LTBP2: variants seen among roughly 807,000 people sequenced by gnomAD.
LTBP2 encodes the protein latent-transforming growth factor beta-binding protein 2.
In LTBP2, 103 loss-of-function variants were observed where a neutral mutation model predicts 210.6. The ratio of observed to expected loss-of-function variants is 0.49; its 90% CI spans 0.42 to 0.58. The LOEUF is 0.58. Among genes scored for constraint, LTBP2 ranks in the 20% least tolerant of loss-of-function variants. The pLI is 0.00. For missense variants in LTBP2, 2,313 were observed against 2,494.5 expected (o/e 0.93, Z 1.55); for synonymous variants, 1,007 against 1,015.0 (o/e 0.99, Z 0.15).
intron 8 of LTBP2, among the ~76,000 whole-genome samples, chr14:74,544,034 G>C (rs1022365522): frequency 6.6e-6 from 1 of 152,212 alleles, no homozygotes; most frequent in Admixed American, 6.5e-5. Flanking sequence ...ACCCCTGCTG[G>C]GTTGGGAGGG....
Position 74,499,069 on chromosome 14 carries a change from A to G in LTBP2, c.*1815T>C, listed in dbSNP as rs997628900. ...TTTTATAATTTTGAAGGACATTGCC[A>G]TATTGTCCTCTTCAATATGTACTTC... is the stretch of plus-strand genomic sequence containing the variant. On this transcript the variant is annotated 3_prime_UTR_variant, in exon 36 of 36. Transcript: ENST00000261978. 4.6e-6 allele frequency: 1 copy of G among 218,414 alleles called. No homozygotes were observed. The highest frequency in any genetic ancestry group is 6.8e-5 in the East Asian group (1 of 14,672). The allele number at this position is 218,414 out of a possible 1,614,324, so 13.5% of individuals were successfully genotyped here.
intron 3 of LTBP2, among the ~76,000 whole-genome samples, chr14:74,571,194 T>C (rs1210115235): frequency 6.6e-6 from 1 of 152,120 alleles, no homozygotes; most frequent in African/African-American, 2.4e-5. Context: ...TAGCTGAGCA[T>C]GGTGGTGGGC....
In LTBP2 at chr14:74,504,016, G is replaced by A; in HGVS notation, c.4492C>T (p.Pro1498Ser). The change falls in exon 31 of 36, where the codon CCG (proline) becomes TCG (serine). Residue 1498 changes from proline (P) to serine (S), a missense_variant. Coordinates refer to ENST00000261978, the MANE Select transcript of LTBP2 (RefSeq NM_000428.3). Reference sequence around the variant, plus strand: ...ACGGTGTTGAGGCACCGGCCGTTCGGGCAGAGACCAGGCCCGAATATCACA... The same window carrying A: ...ACGGTGTTGAGGCACCGGCCGTTCGAGCAGAGACCAGGCCCGAATATCACA... ...ECVIFGPGLC[P>S]NGRCLNTVPG... 4.3e-6 allele frequency: 7 copies of A among 1,614,086 alleles called. No homozygotes were observed. Among genetic ancestry groups the A allele is most frequent in the Non-Finnish European group, 5.9e-6 (7 of 1,180,032 alleles).
Position 74,516,949 on chromosome 14 carries a change from C to A in LTBP2, c.2789-8G>T. 4 of 1,551,008 alleles carry A rather than the reference C, an allele frequency of 2.6e-6. No homozygotes were observed. The highest frequency in any genetic ancestry group is 3.5e-6 in the Non-Finnish European group (4 of 1,147,036). On this transcript the variant is annotated splice_region_variant and splice_polypyrimidine_tract_variant and intron_variant, in intron 17 of 35. Transcript: ENST00000261978. ...GCTCACACTCATTGATATCTGTGAA[C>A]ACACAGAAAAGCCCTGAGTCACAGC...
At chr14:74,551,499 T>C in intron 6 of LTBP2, 149 bp from the exon 7 acceptor site, 1 of 792,830 alleles carries the variant, frequency 1.3e-6, no homozygotes, top group East Asian at 2.7e-5. Context: ...GCTCCCAAGT[T>C]AGAACCCCAG....
chr14:74,554,338 A>G (rs554831691), intron 4 of LTBP2, among the ~76,000 whole-genome samples: 119 of 152,086 alleles, frequency 7.8e-4, no homozygotes, highest in African/African-American at 2.8e-3. Flanking sequence ...ATCTCTACAA[A>G]ACATTTAAAA....
chr14:74,543,004 T>C (rs2087529167), intron 8 of LTBP2, among the ~76,000 whole-genome samples: 1 of 151,894 alleles, frequency 6.6e-6, no homozygotes, highest in Non-Finnish European at 1.5e-5. Flanking sequence ...CCTGACCTCG[T>C]GATCTGCCCA....
At chr14:74,538,904 G>A (rs1404457574) in intron 8 of LTBP2, among the ~76,000 whole-genome samples, 1 of 152,252 alleles carries the variant, frequency 6.6e-6, no homozygotes, top group Non-Finnish European at 1.5e-5. Context: ...GTGAGGCTGG[G>A]AGATGTGCAC....
intron 3 of LTBP2, among the ~76,000 whole-genome samples, chr14:74,579,497 C>A (rs2088107755): frequency 6.6e-6 from 1 of 152,206 alleles, no homozygotes; most frequent in South Asian, 2.1e-4. Flanking sequence ...GGTTAAAGGT[C>A]ATGCCAAAAA....
At position 74,586,186 on chromosome 14, in the gene LTBP2, T is replaced by G; in HGVS notation, c.566-68A>C. On this transcript the variant is annotated intron_variant, in intron 2 of 35. Coordinates refer to ENST00000261978, the MANE Select transcript of LTBP2 (RefSeq NM_000428.3). The surrounding 1 kb of genome is among the most constrained non-coding windows in gnomAD (Gnocchi z 4.6). ...ACTGAGACCACAGCTGCCCACACCT[T>G]CCTGTCAGAAGGGCCCTCCTGAGTG... 6.6e-7 allele frequency: 1 copy of G among 1,520,930 alleles called. No homozygotes were observed. Among genetic ancestry groups the G allele is most frequent in the Non-Finnish European group, 8.9e-7 (1 of 1,126,618 alleles). The allele number at this position is 1,520,930 out of a possible 1,614,324, so 94.2% of individuals were successfully genotyped here. A position where few individuals can be genotyped will look rare whatever the true frequency, so the allele number is the denominator to read the frequency against.
rs180947562 is a variant in LTBP2 at position 74,532,441 on chromosome 14, G to C, written c.1972C>G (p.Arg658Gly). 1 of 1,614,058 alleles carries C rather than the reference G, an allele frequency of 6.2e-7. No homozygotes were observed. The highest frequency in any genetic ancestry group is 1.7e-4 in the Middle Eastern group (1 of 6,060). Residue 658 changes from arginine to glycine, a missense_variant, in exon 10 of 36, where the codon CGG (arginine) becomes GGG (glycine). Around this residue, in one of 3 missense-constraint regions of LTBP2, gnomAD observed 1,867 missense variants for 1,976.9 expected, o/e 0.94. Coordinates refer to ENST00000261978, the MANE Select transcript of LTBP2 (RefSeq NM_000428.3). ...CAGCACTCACACACACAGCGGCTCC[G>C]CGATGGATCCAGCATGAGGCCAGGT... is the stretch of plus-strand genomic sequence containing the variant. ...CRPGLMLDPS[R>G]SRCVSDKAIS... is the part of the protein sequence containing the mutation.
chr14:74,609,412 T>C (rs1355025381), intron 1 of LTBP2, among the ~76,000 whole-genome samples: 1 of 152,168 alleles, frequency 6.6e-6, no homozygotes, highest in Admixed American at 6.5e-5. Context: ...CTTCTAATAG[T>C]GCACCCTCCA....
rs756876772 is a variant in LTBP2 at position 74,504,043 on chromosome 14, A to C, written c.4465T>G (p.Cys1489Gly). 6.2e-7 allele frequency: 1 copy of C among 1,613,638 alleles called. No homozygotes were observed. The highest frequency in any genetic ancestry group is 1.7e-5 in the Admixed American group (1 of 59,998). Residue 1489 changes from cysteine to glycine, a missense_variant, in exon 31 of 36, where the codon TGT becomes GGT. Transcript: ENST00000261978. ...CAGAGACCAGGCCCGAATATCACAC[A>C]CTCATCCGCATCTGTGGAAGGCAGA... is the stretch of plus-strand genomic sequence containing the variant. The part of the protein sequence containing the change: ...GQTMYTDADE[C>G]VIFGPGLCPN...
intron 3 of LTBP2, among the ~76,000 whole-genome samples, chr14:74,581,330 A>C (rs2139782944): frequency 6.6e-6 from 1 of 152,282 alleles, no homozygotes; most frequent in South Asian, 2.1e-4. Flanking sequence ...GATGGAGTTA[A>C]GGTTGCTAAT....
At chr14:74,550,092 C>CA in intron 7 of LTBP2, 127 bp from the exon 8 acceptor site, 1 of 707,090 alleles carries the variant, frequency 1.4e-6, no homozygotes, top group South Asian at 1.5e-5. Flanking sequence ...TGTCCCCAGC[C>CA]AAAGAAGGGG....
At chr14:74,532,195 G>GA (rs1161555110) in intron 10 of LTBP2, among the ~76,000 whole-genome samples, 1 of 152,182 alleles carries the variant, frequency 6.6e-6, no homozygotes, top group Non-Finnish European at 1.5e-5. Context: ...CAAAGGCCCG[G>GA]AAAAAATGCC....
intron 18 of LTBP2, 84 bp from the exon 19 acceptor site, chr14:74,511,448 G>A (rs2087070547): frequency 1.3e-6 from 2 of 1,560,354 alleles, no homozygotes; most frequent in African/African-American, 1.4e-5. Flanking sequence ...CCTTGTCCCT[G>A]CCTTTGGTTG....
chr14:74,511,382 C>T lies in LTBP2; in HGVS notation c.2909-18G>A, dbSNP rs768769190. The T allele has an allele frequency of 3.7e-6, 6 of 1,613,804 alleles. No homozygotes were observed. Among genetic ancestry groups the T allele is most frequent in the Non-Finnish European group, 5.1e-6 (6 of 1,179,810 alleles). ...GTTGATATCTGCAAAACAGCAGCCC[C>T]TCCCTTGGTCATCCCTGGGAACATA... On this transcript the variant is annotated intron_variant, in intron 18 of 35. Transcript: ENST00000261978.
Position 74,603,167 on chromosome 14 carries a change from G to A in LTBP2, c.565+468C>T, listed in dbSNP as rs149974171. Among the ~76,000 whole-genome samples the A allele has an allele frequency of 1.9e-3, 282 of 152,146 alleles. 5 individuals carry two copies. In the East Asian group the frequency reaches 0.051, roughly 28 times the overall value. On this transcript the variant is annotated intron_variant, in intron 2 of 35. Coordinates refer to ENST00000261978, the MANE Select transcript of LTBP2 (RefSeq NM_000428.3). ...TTTTGAGAAGGAGTCTCGCTCTGTC[G>A]CCCAGTCTGGAGTGCAGTGGTGTGA...
Sources: allele counts gnomAD v4.1 joint callset (sites outside exome capture counted in the v4.1 genomes callset), GRCh38; gene constraint gnomAD v4.1.1; regional missense constraint gnomAD v4.1.1; non-coding constraint Gnocchi (gnomAD v3.1); transcripts MANE v1.5; gene names NCBI Gene and HGNC (gene_info 2026-07-23, HGNC 2026-07-21).